Variants in HM13 observed in about 807,000 individuals in gnomAD.
HM13 encodes histocompatibility minor 13.
Under a neutral mutation model 50.0 loss-of-function variants are expected in HM13, and 18 were observed. The observed-to-expected ratio is 0.36, with a 90% CI of 0.25 to 0.53. HM13 has a LOEUF of 0.53. HM13 is among the 20% of genes least tolerant of loss of function. The pLI, the probability that HM13 is intolerant of heterozygous loss-of-function variation, is 0.90. For missense variants in HM13, 393 were observed against 552.4 expected (o/e 0.71, Z 2.89); for synonymous variants, 197 against 232.6 (o/e 0.85, Z 1.39).
intron 4 of HM13, among the ~76,000 whole-genome samples, chr20:31,545,886 G>A (rs1368562924): frequency 1.3e-5 from 2 of 151,922 alleles, no homozygotes; most frequent in African/African-American, 4.8e-5. Flanking sequence ...TAGTAGAGAT[G>A]GAGTTTTGCC....
chr20:31,530,172 A>T (rs909061403), intron 2 of HM13, among the ~76,000 whole-genome samples: 1 of 152,018 alleles, frequency 6.6e-6, no homozygotes, highest in East Asian at 1.9e-4. Context: ...TACATCATTT[A>T]AAAAAATTTG....
Position 31,569,326 on chromosome 20 carries a change from C to G in HM13, c.*107C>G. On this transcript the variant is annotated 3_prime_UTR_variant, in exon 13 of 13. Coordinates refer to ENST00000398174, the MANE Select transcript of HM13 (RefSeq NM_178581.3). Reference sequence around the variant, plus strand: ...CAGGAGGCCAAGGGCAGCTCCAGGACAGGGCAGGGGGCAGCAGGATACCTC... The same window carrying G: ...CAGGAGGCCAAGGGCAGCTCCAGGAGAGGGCAGGGGGCAGCAGGATACCTC... The G allele has an allele frequency of 1.4e-6, 1 of 725,352 alleles. No homozygotes were observed. The highest frequency in any genetic ancestry group is 2.4e-6 in the Non-Finnish European group (1 of 424,518). The allele number at this position is 725,352 out of a possible 1,614,324, so 44.9% of individuals were successfully genotyped here. A position where few individuals can be genotyped will look rare whatever the true frequency, so the allele number is the denominator to read the frequency against.
intron 1 of HM13, among the ~76,000 whole-genome samples, chr20:31,521,252 A>G (rs928611281): frequency 6.6e-6 from 1 of 152,196 alleles, no homozygotes; most frequent in African/African-American, 2.4e-5. Context: ...AAACTTTCCA[A>G]CCGAAATTTC....
chr20:31,568,392 C>G, intron 12 of HM13, 168 bp downstream of exon 12: 1 of 1,020,674 alleles, frequency 9.8e-7, no homozygotes, highest in Non-Finnish European at 1.4e-6. Flanking sequence ...AGCCATAGGG[C>G]TGGGAAGCAG....
chr20:31,519,245 G>C (rs1982001396), intron 1 of HM13, among the ~76,000 whole-genome samples: 1 of 152,168 alleles, frequency 6.6e-6, no homozygotes, highest in Admixed American at 6.5e-5. Flanking sequence ...GGGATTGCAG[G>C]CACCTGCCAT....
chr20:31,532,088 A>G (rs997960118), intron 2 of HM13, among the ~76,000 whole-genome samples: 23 of 151,744 alleles, frequency 1.5e-4, no homozygotes, highest in African/African-American at 5.1e-4. Context: ...AACATTGGCT[A>G]TTCACAGATT....
chr20:31,546,325 C>T (rs892541989), intron 4 of HM13, among the ~76,000 whole-genome samples: 1 of 152,074 alleles, frequency 6.6e-6, no homozygotes. Flanking sequence ...CGTGAGCCAC[C>T]GCGCCCGGCC....
rs1983889606 is a variant in HM13, at chr20:31,549,194, C to T, written c.541-13C>T. The stretch of plus-strand genomic sequence containing the variant: ...GGTCACAGCAAGCTGGTCTCACTCC[C>T]CGCTTTCCTCAGCACTGGATTGCCA... On this transcript the variant is annotated splice_polypyrimidine_tract_variant and intron_variant, in intron 5 of 12. Coordinates refer to ENST00000398174, the MANE Select transcript of HM13 (RefSeq NM_178581.3). 3 of 1,614,218 alleles carry T rather than the reference C, an allele frequency of 1.9e-6. No individual in the cohort carries two copies. The highest frequency in any genetic ancestry group is 2.5e-6 in the Non-Finnish European group (3 of 1,180,034).
chr20:31,522,457 G>A (rs563259880), intron 1 of HM13, among the ~76,000 whole-genome samples: 1 of 151,830 alleles, frequency 6.6e-6, no homozygotes, highest in East Asian at 1.9e-4. Flanking sequence ...AGCTACTCAG[G>A]AGGCCGAGGC....
At position 31,569,435 on chromosome 20, in the gene HM13, C is replaced by T. The variant is rs576186153; in HGVS notation, c.*216C>T. 8 of 412,470 alleles carry T rather than the reference C, an allele frequency of 1.9e-5. No individual in the cohort carries two copies. Among genetic ancestry groups the T allele is most frequent in the African/African-American group, 6.1e-5 (3 of 49,256 alleles). The allele number at this position is 412,470 out of a possible 1,614,324, so 25.6% of individuals were successfully genotyped here. On this transcript the variant is annotated 3_prime_UTR_variant, in exon 13 of 13. Transcript: ENST00000398174. The stretch of plus-strand genomic sequence containing the variant: ...CCCCACACCCTGCAGGCAAAAGAAA[C>T]CCCCAGCTTCCCCCCTCCCCGGGAG...
At chr20:31,561,852 G>A (rs1236034667) in intron 10 of HM13, 116 bp downstream of exon 10, 11 of 731,468 alleles carry the variant, frequency 1.5e-5, no homozygotes, top group Non-Finnish European at 1.9e-5. Flanking sequence ...ACTGGTGTTG[G>A]AGCAGTCATG....
intron 2 of HM13, among the ~76,000 whole-genome samples, chr20:31,532,074 A>G (rs1449174749): frequency 6.6e-6 from 1 of 152,162 alleles, no homozygotes; most frequent in African/African-American, 2.4e-5. Flanking sequence ...AGAGTGCACT[A>G]AATAACATTG....
chr20:31,547,397 C>A, intron 4 of HM13: 1 of 433,050 alleles, frequency 2.3e-6, no homozygotes, highest in Non-Finnish European at 4.1e-6. Context: ...CGGCTCTGAC[C>A]GTCTGGCAGG....
intron 3 of HM13, chr20:31,539,333 A>G (rs1983299766): frequency 1.0e-6 from 1 of 985,370 alleles, no homozygotes; most frequent in Non-Finnish European, 1.2e-6. Flanking sequence ...GCTGAGAAAC[A>G]CTGATAGACC....
intron 7 of HM13, among the ~76,000 whole-genome samples, chr20:31,552,083 T>G (rs6058088): frequency 0.31 from 46,969 of 150,840 alleles, 12,048 homozygotes; most frequent in African/African-American, 0.71. Flanking sequence ...GGGGAGGGCA[T>G]TTCTCCAGAG....
At chr20:31,567,201 G>T (rs1212362115) in intron 11 of HM13, among the ~76,000 whole-genome samples, 1 of 152,202 alleles carries the variant, frequency 6.6e-6, no homozygotes, top group Non-Finnish European at 1.5e-5. Flanking sequence ...GGGGCTAGGG[G>T]TGAACTTGGG....
At chr20:31,538,347 C>T in intron 3 of HM13, 86 bp downstream of exon 3, 2 of 1,609,146 alleles carry the variant, frequency 1.2e-6, no homozygotes, top group Non-Finnish European at 8.5e-7. Flanking sequence ...CTTTTGGCAT[C>T]ATTCAGAGCC....
intron 1 of HM13, among the ~76,000 whole-genome samples, chr20:31,526,874 C>A (rs1982520474): frequency 6.6e-6 from 1 of 152,172 alleles, no homozygotes; most frequent in African/African-American, 2.4e-5. Flanking sequence ...AAACTGAAAA[C>A]AATTTTCTTC....
At chr20:31,517,572 T>C (rs1165662118) in intron 1 of HM13, among the ~76,000 whole-genome samples, 1 of 151,972 alleles carries the variant, frequency 6.6e-6, no homozygotes, top group Non-Finnish European at 1.5e-5. Context: ...AATAGAGCTC[T>C]GATAGGCCTC....
Sources: gnomAD v4.1 joint callset for allele counts (sites outside exome capture counted in the v4.1 genomes callset) on GRCh38, gnomAD v4.1.1 for gene constraint, MANE v1.5 for transcripts, NCBI Gene and HGNC (gene_info 2026-07-23, HGNC 2026-07-21) for gene names.